SAMD5: variants seen among roughly 807,000 people sequenced by gnomAD.
SAMD5 encodes sterile alpha motif domain-containing protein 5.
SAMD5 carries 13 observed loss-of-function variants against 11.3 expected under a neutral mutation model. That is an observed-to-expected ratio of 1.15 (90% CI 0.75 to 1.83). The LOEUF is 1.83. Among genes scored for constraint, SAMD5 ranks in the 40% most tolerant of loss-of-function variants. The pLI, the probability that SAMD5 is intolerant of heterozygous loss-of-function variation, is 0.00. For missense variants in SAMD5, 255 were observed against 239.1 expected (o/e 1.07, Z -0.44); for synonymous variants, 129 against 111.3 (o/e 1.16, Z -1.00).
chr6:147,518,282 G>A (rs1292556681), intron 1 of SAMD5, among the ~76,000 whole-genome samples: 2 of 152,036 alleles, frequency 1.3e-5, no homozygotes, highest in Non-Finnish European at 2.9e-5. Context: ...AAGTCTTAAC[G>A]TGATCATAGC....
the SAMD5 span, among the ~76,000 whole-genome samples, chr6:147,916,992 T>C: frequency 1.4e-4 from 21 of 148,646 alleles, no homozygotes; most frequent in South Asian, 2.2e-3. Context: ...GTCTTTGCTA[T>C]TGTGAATAGT....
At chr6:147,895,360 A>G in the SAMD5 span, among the ~76,000 whole-genome samples, 6 of 152,202 alleles carry the variant, frequency 3.9e-5, no homozygotes, top group African/African-American at 1.4e-4. Context: ...TAACTGGAAT[A>G]TATTCAAGGC....
the SAMD5 span, among the ~76,000 whole-genome samples, chr6:147,803,348 C>G: frequency 3.3e-5 from 5 of 152,168 alleles, no homozygotes; most frequent in Admixed American, 6.5e-5. Context: ...ACTCTCTCGC[C>G]TCTGTCCTTT....
chr6:147,546,552 G>C (rs1388690875), intron 1 of SAMD5, among the ~76,000 whole-genome samples: 1 of 84,484 alleles, frequency 1.2e-5, no homozygotes. Context: ...AATAGAGTGA[G>C]GCCTGGAAGT....
chr6:147,952,684 TG>T, the SAMD5 span, among the ~76,000 whole-genome samples: 1 of 152,136 alleles, frequency 6.6e-6, no homozygotes, highest in East Asian at 1.9e-4. Context: ...GAATTTTTTT[TG>T]TACTTTTTGT....
At chr6:147,531,989 C>T (rs1320378796) in intron 1 of SAMD5, among the ~76,000 whole-genome samples, 1 of 152,024 alleles carries the variant, frequency 6.6e-6, no homozygotes, top group Non-Finnish European at 1.5e-5. Flanking sequence ...GTAATCATTT[C>T]TATAGAATAG....
the SAMD5 span, among the ~76,000 whole-genome samples, chr6:147,824,973 G>A: frequency 6.6e-6 from 1 of 152,002 alleles, no homozygotes; most frequent in African/African-American, 2.4e-5. Flanking sequence ...ATGTAAAATG[G>A]CAACGAATAA....
the SAMD5 span, among the ~76,000 whole-genome samples, chr6:147,792,424 G>A: frequency 6.6e-6 from 1 of 152,162 alleles, no homozygotes; most frequent in Non-Finnish European, 1.5e-5. Flanking sequence ...TAACAGATTA[G>A]AAATGCAGAC....
chr6:147,909,610 T>TCTCTC, the SAMD5 span, among the ~76,000 whole-genome samples: 14 of 59,750 alleles, frequency 2.3e-4, no homozygotes, highest in South Asian at 3.1e-3. Context: ...CTTTCTTTCT[T>TCTCTC]TCTTTCTTTC....
At chr6:147,527,706 G>C (rs1489878662) in intron 1 of SAMD5, among the ~76,000 whole-genome samples, 1 of 152,088 alleles carries the variant, frequency 6.6e-6, no homozygotes, top group Non-Finnish European at 1.5e-5. Flanking sequence ...CTCAGACAAG[G>C]CTAGTCCCTT....
intron 1 of SAMD5, among the ~76,000 whole-genome samples, chr6:147,583,975 T>C (rs1301231695): frequency 2.6e-5 from 4 of 152,092 alleles, no homozygotes. Flanking sequence ...TCATTTATAT[T>C]GCCAAGTTTA....
chr6:147,761,159 T>G, the SAMD5 span, among the ~76,000 whole-genome samples: 12 of 152,192 alleles, frequency 7.9e-5, no homozygotes, highest in Admixed American at 7.2e-4. Context: ...GGAAGTAAAC[T>G]TCATTAAAAA....
At chr6:147,558,578 G>T (rs1237315318) in intron 1 of SAMD5, among the ~76,000 whole-genome samples, 1 of 152,014 alleles carries the variant, frequency 6.6e-6, no homozygotes, top group Non-Finnish European at 1.5e-5. Flanking sequence ...CAGCTCTCTT[G>T]GTGGCTATTT....
chr6:147,776,009 G>A, the SAMD5 span, among the ~76,000 whole-genome samples: 4 of 152,178 alleles, frequency 2.6e-5, no homozygotes, highest in African/African-American at 9.7e-5. Flanking sequence ...GTCCAGAATA[G>A]GTGCTGGAAA....
the SAMD5 span, among the ~76,000 whole-genome samples, chr6:147,939,403 C>T: frequency 6.6e-6 from 1 of 152,052 alleles, no homozygotes. Flanking sequence ...ACTTCCAACC[C>T]TTTAATCATG....
the SAMD5 span, among the ~76,000 whole-genome samples, chr6:147,820,185 T>C: frequency 3.3e-3 from 509 of 152,314 alleles, 5 homozygotes; most frequent in African/African-American, 0.012. Flanking sequence ...CATTATTTCT[T>C]ATTCACCTGC....
Position 147,569,235 on chromosome 6 carries a change from A to AT in SAMD5, c.*4779_*4780insT. ...GACTCTGTCTAAAAAAAAAAAAAAAAGAAAAGAAAAAAGAAAAATTGAAGA... is the reference window on the plus strand; with the variant it reads ...GACTCTGTCTAAAAAAAAAAAAAAAATGAAAAGAAAAAAGAAAAATTGAAGA... On this transcript the variant is annotated 3_prime_UTR_variant, in exon 2 of 2. Transcript: ENST00000367474. The AT allele has an allele frequency of 3.0e-6, 1 of 334,672 alleles. No homozygotes were observed. Among genetic ancestry groups the AT allele is most frequent in the Non-Finnish European group, 4.2e-6 (1 of 238,422 alleles). The allele number at this position is 334,672 out of a possible 1,614,324, so 20.7% of individuals were successfully genotyped here.
the SAMD5 span, among the ~76,000 whole-genome samples, chr6:147,951,749 C>T: frequency 6.6e-6 from 1 of 152,172 alleles, no homozygotes; most frequent in Admixed American, 6.5e-5. Flanking sequence ...AGGCTTCAGT[C>T]ATATAGAGCC....
intron 1 of SAMD5, chr6:147,737,216 C>A: frequency 4.4e-6 from 2 of 458,356 alleles, no homozygotes; most frequent in Non-Finnish European, 6.7e-6. Context: ...CTCCCATCCT[C>A]GGGAAGGGTG....
Sources: gnomAD v4.1 joint callset for allele counts (sites outside exome capture counted in the v4.1 genomes callset) on GRCh38, gnomAD v4.1.1 for gene constraint, MANE v1.5 for transcripts, NCBI Gene and HGNC (gene_info 2026-07-23, HGNC 2026-07-21) for gene names.